The following FTO variants were observed in gnomAD, a reference collection of about 807,000 sequenced individuals.
FTO encodes FTO alpha-ketoglutarate dependent dioxygenase.
In FTO, 47 loss-of-function variants were observed where a neutral mutation model predicts 63.9. The observed-to-expected ratio is 0.74, with a 90% CI of 0.58 to 0.94. The LOEUF is 0.94. Ranked by LOEUF, FTO falls within the 40% of genes least tolerant of loss-of-function variation. The pLI, the probability that FTO is intolerant of heterozygous loss-of-function variation, is 0.00. For synonymous variants in FTO, 207 were observed against 224.4 expected, an observed-to-expected ratio of 0.92 and a Z score of 0.69; for missense variants, 562 against 618.1, an observed-to-expected ratio of 0.91 and a Z score of 0.96.
intron 8 of FTO, among the ~76,000 whole-genome samples, chr16:54,059,730 T>C (rs531777155): frequency 3.3e-5 from 5 of 152,296 alleles, no homozygotes; most frequent in African/African-American, 1.2e-4. Flanking sequence ...TGTGCATCTG[T>C]GTGTCAAGTT....
At chr16:53,837,198 C>T (rs546205116) in intron 3 of FTO, among the ~76,000 whole-genome samples, 1 of 152,160 alleles carries the variant, frequency 6.6e-6, no homozygotes, top group Non-Finnish European at 1.5e-5. Flanking sequence ...CTCTCCTTTT[C>T]ATACTTTCAA....
At chr16:54,109,273 G>A (rs1889832712) in intron 8 of FTO, among the ~76,000 whole-genome samples, 1 of 152,200 alleles carries the variant, frequency 6.6e-6, no homozygotes, top group Non-Finnish European at 1.5e-5. Flanking sequence ...TGTGCAGCTT[G>A]TCTGTCAGAG....
chr16:53,861,808 C>T (rs1049821005), intron 4 of FTO, among the ~76,000 whole-genome samples: 2 of 152,116 alleles, frequency 1.3e-5, no homozygotes, highest in Non-Finnish European at 2.9e-5. Flanking sequence ...AATGTAGTTT[C>T]TAATAATATT....
intron 1 of FTO, among the ~76,000 whole-genome samples, chr16:53,721,875 T>C (rs1341271196): frequency 6.6e-6 from 1 of 152,162 alleles, no homozygotes; most frequent in Non-Finnish European, 1.5e-5. Flanking sequence ...GGAAAAAGTA[T>C]AATTTTTTGA....
At chr16:53,868,514 A>G (rs966658687) in intron 4 of FTO, among the ~76,000 whole-genome samples, 3 of 152,100 alleles carry the variant, frequency 2.0e-5, no homozygotes, top group Non-Finnish European at 2.9e-5. Context: ...ACTCATTGCT[A>G]TCATTAATTT....
intron 5 of FTO, among the ~76,000 whole-genome samples, chr16:53,877,193 G>A (rs1431264653): frequency 6.6e-6 from 1 of 152,174 alleles, no homozygotes; most frequent in Non-Finnish European, 1.5e-5. Flanking sequence ...AAATCCAAAG[G>A]TACCCTATGA....
chr16:53,830,155 T>C (rs2079106855), intron 3 of FTO, among the ~76,000 whole-genome samples: 1 of 152,226 alleles, frequency 6.6e-6, no homozygotes, highest in Non-Finnish European at 1.5e-5. Context: ...AAGTAATTTG[T>C]ATAGGATACG....
chr16:53,705,965 A>G (rs1347259955), intron 1 of FTO, among the ~76,000 whole-genome samples: 1 of 152,184 alleles, frequency 6.6e-6, no homozygotes, highest in Admixed American at 6.5e-5. Flanking sequence ...AGTGTCATCC[A>G]TATTTTAGAG....
intron 7 of FTO, among the ~76,000 whole-genome samples, chr16:53,925,461 TA>T (rs2082117085): frequency 6.6e-6 from 1 of 151,860 alleles, no homozygotes; most frequent in Admixed American, 6.6e-5. Context: ...GCAAGAACAG[TA>T]GTAGATTTTT....
At chr16:53,860,689 T>C (rs1017199216) in intron 4 of FTO, among the ~76,000 whole-genome samples, 8 of 152,170 alleles carry the variant, frequency 5.3e-5, no homozygotes, top group African/African-American at 1.9e-4. Context: ...ACTGAGAGGA[T>C]GGTGCTAAAC....
At chr16:53,747,189 A>G (rs528652674) in intron 1 of FTO, among the ~76,000 whole-genome samples, 1 of 152,208 alleles carries the variant, frequency 6.6e-6, no homozygotes, top group Non-Finnish European at 1.5e-5. Context: ...TCTCTTTGAC[A>G]TACCAATTTC....
At chr16:53,856,948 G>A (rs2080018254) in intron 4 of FTO, among the ~76,000 whole-genome samples, 1 of 152,034 alleles carries the variant, frequency 6.6e-6, no homozygotes, top group Non-Finnish European at 1.5e-5. Context: ...CTAGGTATGT[G>A]TATAGCTCAT....
chr16:53,769,846 G>A (rs1459857882), intron 1 of FTO, among the ~76,000 whole-genome samples: 1 of 152,138 alleles, frequency 6.6e-6, no homozygotes, highest in Admixed American at 6.6e-5. Flanking sequence ...GATCTAAGCT[G>A]AAGGAGGCTC....
chr16:53,808,701 C>T (rs1397515594), intron 1 of FTO, among the ~76,000 whole-genome samples: 2 of 152,186 alleles, frequency 1.3e-5, no homozygotes, highest in African/African-American at 4.8e-5. Flanking sequence ...TTTATAAAGA[C>T]ATTGGGCATT....
intron 1 of FTO, among the ~76,000 whole-genome samples, chr16:53,778,993 T>TA (rs1475402195): frequency 6.6e-6 from 1 of 152,032 alleles, no homozygotes; most frequent in African/African-American, 2.4e-5. Context: ...AAGCCTTCTC[T>TA]AAAAAAAGAA....
chr16:54,073,925 T>C (rs2085927827), intron 8 of FTO, among the ~76,000 whole-genome samples: 1 of 152,208 alleles, frequency 6.6e-6, no homozygotes, highest in Non-Finnish European at 1.5e-5. Flanking sequence ...TATCAGCAGT[T>C]GTTAACAACC....
At position 53,934,063 on chromosome 16, in the gene FTO, G is replaced by C. The variant is rs2082336518; in HGVS notation, c.1318G>C (p.Ala440Pro). 1.2e-6 allele frequency: 2 copies of C among 1,614,012 alleles called. No individual in the cohort carries two copies. The change falls in exon 8 of 9, where the codon GCC (alanine) becomes CCC (proline). Residue 440 changes from alanine to proline, a missense_variant. Transcript: ENST00000471389. Reference protein sequence around the residue: ...QRNEILTAILASLTARQNLRR... With the variant: ...QRNEILTAILPSLTARQNLRR... ...GAATGAAATCTTGACTGCCATCCTT[G>C]CCTCGCTCACTGCACGCCAGAACCT...
At chr16:53,713,709 T>TA (rs779139496) in intron 1 of FTO, among the ~76,000 whole-genome samples, 1 of 152,148 alleles carries the variant, frequency 6.6e-6, no homozygotes, top group East Asian at 1.9e-4. Context: ...GGTTTGCATT[T>TA]AAAAAAATGT....
chr16:53,992,935 A>G (rs2083848130), intron 8 of FTO: 1 of 152,358 alleles, frequency 6.6e-6, no homozygotes, highest in South Asian at 2.1e-4. Flanking sequence ...TCTCATCTGA[A>G]CACATTTTAC....
Sources: gnomAD v4.1 joint callset for allele counts (sites outside exome capture counted in the v4.1 genomes callset) on GRCh38, gnomAD v4.1.1 for gene constraint, MANE v1.5 for transcripts, NCBI Gene and HGNC (gene_info 2026-07-23, HGNC 2026-07-21) for gene names.